KCTD2: variants seen among roughly 807,000 people sequenced by gnomAD.
The protein encoded by KCTD2 is potassium channel tetramerization domain containing 2, also known as BTB/POZ domain-containing protein KCTD2.
Under a neutral mutation model 27.9 loss-of-function variants are expected in KCTD2, and 18 were observed. The observed-to-expected ratio is 0.64, with a 90% confidence interval of 0.45 to 0.96. The LOEUF (loss-of-function observed/expected upper bound fraction) is 0.96, where lower values mean the gene tolerates loss of function less well. Ranked by LOEUF, KCTD2 falls within the 40% of genes least tolerant of loss-of-function variation. The pLI is 0.00. For synonymous variants in KCTD2, 175 were observed against 148.4 expected, an observed-to-expected ratio of 1.18 and a Z score of -1.30; for missense variants, 280 against 348.0, an observed-to-expected ratio of 0.80 and a Z score of 1.56.
At chr17:75,033,884 A>G (rs1382028027) in intron 1 of KCTD2, 2 of 152,330 alleles carry the variant, frequency 1.3e-5, no homozygotes, top group African/African-American at 4.8e-5. Context: ...AGGGGAAGGG[A>G]TGGCACGGCC....
upstream of KCTD2, chr17:75,042,287 A>G (rs1001616314): frequency 7.4e-6 from 12 of 1,613,204 alleles, no homozygotes; most frequent in African/African-American, 9.3e-5. Context: ...CCTGCCCACA[A>G]GGAAAGGCAA....
chr17:75,059,575 C>G lies in KCTD2; in HGVS notation c.606C>G (p.Ser202=). 1 of 1,614,096 alleles carries G rather than the reference C, an allele frequency of 6.2e-7. No individual in the cohort carries two copies. Among genetic ancestry groups the G allele is most frequent in the Non-Finnish European group, 8.5e-7 (1 of 1,179,994 alleles). The change falls in exon 4 of 6, where the codon TCC becomes TCG. Residue 202 remains serine, a synonymous_variant. Coordinates refer to ENST00000322444, the MANE Select transcript of KCTD2 (RefSeq NM_015353.3). ...CQEEELTQMV[S]TMSDGWKFEQ... is the part of the protein sequence containing the mutation. Reference sequence around the variant, plus strand: ...AAGAAGAGCTCACGCAGATGGTGTCCACGATGTCCGACGGCTGGAAATTCG... The same window carrying G: ...AAGAAGAGCTCACGCAGATGGTGTCGACGATGTCCGACGGCTGGAAATTCG...
Position 75,059,529 on chromosome 17 carries a change from ACAGAGTCCTGCAGTGT to A in KCTD2, c.564_579del (p.Val189LysfsTer45). On this transcript the variant is annotated frameshift_variant, in exon 4 of 6. Transcript: ENST00000322444. LOFTEE classifies it high-confidence loss of function. The stretch of plus-strand genomic sequence containing the variant: ...TTGCAGGGCCCCGTGAAGCACGTGT[ACAGAGTCCTGCAGTGT>A]CAGGAAGAAGAGCTCACGCAGATGG... 1 of 1,613,922 alleles carries A rather than the reference ACAGAGTCCTGCAGTGT, an allele frequency of 6.2e-7. No individual in the cohort carries two copies. Among genetic ancestry groups the A allele is most frequent in the Non-Finnish European group, 8.5e-7 (1 of 1,179,880 alleles).
rs1469759814 is a variant in KCTD2, at chr17:75,065,188, G to A, written c.*2141G>A. 6.6e-6 allele frequency: 1 copy of A among 152,114 alleles called. No individual in the cohort carries two copies. Among genetic ancestry groups the A allele is most frequent in the Non-Finnish European group, 1.5e-5 (1 of 68,056 alleles). 9.4% of individuals were successfully genotyped at this position (152,114 alleles called of 1,614,324 possible). ...GGCACGTGCTCTGGGAAATAGACAG[G>A]AGTGGTATTTCCGCCCTCTCGGAGG... is the stretch of plus-strand genomic sequence containing the variant. On this transcript the variant is annotated 3_prime_UTR_variant, in exon 6 of 6. Transcript: ENST00000322444.
upstream of KCTD2, chr17:75,042,778 C>A (rs2073173943): frequency 2.9e-6 from 3 of 1,030,622 alleles, no homozygotes; most frequent in South Asian, 4.9e-5. Context: ...TAGAAACATG[C>A]AAGTCTTCAC....
intron 1 of KCTD2, among the ~76,000 whole-genome samples, 187 bp downstream of exon 1, chr17:75,047,776 G>A (rs2073242084): frequency 6.6e-6 from 1 of 151,826 alleles, no homozygotes; most frequent in South Asian, 2.1e-4. Flanking sequence ...CTTCCATGCT[G>A]AGGCATACTC....
intron 2 of KCTD2, among the ~76,000 whole-genome samples, chr17:75,034,423 C>T (rs751014824): frequency 1.3e-5 from 2 of 152,184 alleles, no homozygotes; most frequent in African/African-American, 2.4e-5. Flanking sequence ...GAGCACAGCC[C>T]CTCTCGACAC....
intron 1 of KCTD2, among the ~76,000 whole-genome samples, 197 bp downstream of exon 1, chr17:75,047,786 C>T (rs2073242467): frequency 6.6e-6 from 1 of 152,106 alleles, no homozygotes; most frequent in Admixed American, 6.5e-5. Flanking sequence ...GAGGCATACT[C>T]TGGCTTTCTC....
intron 3 of KCTD2, among the ~76,000 whole-genome samples, chr17:75,058,579 C>G (rs1322860857): frequency 6.6e-6 from 1 of 151,398 alleles, no homozygotes; most frequent in Non-Finnish European, 1.5e-5. Context: ...GCAGGTGGAT[C>G]ATGAGGTCAG....
intron 4 of KCTD2, among the ~76,000 whole-genome samples, chr17:75,061,187 CAGGCGG>C (rs1567994769): frequency 6.6e-6 from 1 of 152,204 alleles, no homozygotes; most frequent in Admixed American, 6.5e-5. Flanking sequence ...TTGTTTCAGA[CAGGCGG>C]AGGCGCCCCC....
chr17:75,058,669 G>T (rs2073373530), intron 3 of KCTD2, among the ~76,000 whole-genome samples: 1 of 148,736 alleles, frequency 6.7e-6, no homozygotes, highest in South Asian at 2.1e-4. Context: ...CTTAGCGGCA[G>T]GCGCCTGTAA....
chr17:75,035,863 C>G (rs2040110406), intron 3 of KCTD2, among the ~76,000 whole-genome samples: 1 of 151,970 alleles, frequency 6.6e-6, no homozygotes, highest in African/African-American at 2.4e-5. Context: ...AAACAAAAAA[C>G]TCCAGTCCCT....
In KCTD2 at chr17:75,048,258, A is replaced by T. The variant is rs377338555; in HGVS notation, c.339+669A>T. 1.7e-3 allele frequency among the ~76,000 whole-genome samples: 262 copies of T among 152,320 alleles called. 1 individual carries two copies. Among genetic ancestry groups the T allele is most frequent in the African/African-American group, 5.9e-3 (244 of 41,570 alleles). ...CCCGGGAAAATTTTGGGCAGGATGC[A>T]TGGCTGCTAACCAAAGGGTTGAGAG... On this transcript the variant is annotated intron_variant, in intron 1 of 5. Transcript: ENST00000322444.
At position 75,064,895 on chromosome 17, in the gene KCTD2, C is replaced by T. The variant is rs2073441641; in HGVS notation, c.*1848C>T. ...CTCCTTGGCCAGGTCCAATGAGTAACATCAGACTGACAGAGGAAAAGCAGC... is the reference window on the plus strand; with the variant it reads ...CTCCTTGGCCAGGTCCAATGAGTAATATCAGACTGACAGAGGAAAAGCAGC... On this transcript the variant is annotated 3_prime_UTR_variant, in exon 6 of 6. Coordinates refer to ENST00000322444, the MANE Select transcript of KCTD2 (RefSeq NM_015353.3). 1 of 152,224 alleles carries T rather than the reference C, an allele frequency of 6.6e-6. No homozygotes were observed. The highest frequency in any genetic ancestry group is 1.5e-5 in the Non-Finnish European group (1 of 68,064). 9.4% of individuals were successfully genotyped at this position (152,224 alleles called of 1,614,324 possible).
At chr17:75,037,534 T>G (rs35928207) in intron 3 of KCTD2, among the ~76,000 whole-genome samples, 21,757 of 152,096 alleles carry the variant, frequency 0.14, 2,362 homozygotes, top group East Asian at 0.56. Flanking sequence ...GAAAATTAAA[T>G]TCTCAAGACA....
chr17:75,042,370 G>A (rs749723660), upstream of KCTD2: 70 of 1,501,924 alleles, frequency 4.7e-5, no homozygotes, highest in Non-Finnish European at 5.8e-5. Context: ...ATGGCCTGGA[G>A]GGTCACCACA....
chr17:75,050,890 C>T (rs2073277046), intron 2 of KCTD2, among the ~76,000 whole-genome samples: 1 of 151,294 alleles, frequency 6.6e-6, no homozygotes, highest in African/African-American at 2.4e-5. Flanking sequence ...CTTGCCCAGG[C>T]TGGTCTCAAA....
intron 3 of KCTD2, chr17:75,042,040 C>A: frequency 1.5e-6 from 1 of 671,822 alleles, no homozygotes; most frequent in Non-Finnish European, 2.5e-6. Context: ...TTCAATCGAC[C>A]ACAAGGCCTT....
In KCTD2 at chr17:75,062,188, C is replaced by T; in HGVS notation, c.705C>T (p.Ser235=). The change falls in exon 5 of 6, where the codon TCC becomes TCT. Residue 235 remains serine, a synonymous_variant. Coordinates refer to ENST00000322444, the MANE Select transcript of KCTD2 (RefSeq NM_015353.3). The part of the protein sequence containing the change: ...EDQAEFLCVV[S]RELNNSTNGI... ...AGGCAGAATTCCTCTGTGTTGTCTC[C>T]AGAGAACTAAATAATTCTACCAATG... The T allele has an allele frequency of 1.2e-6, 2 of 1,613,962 alleles. No individual in the cohort carries two copies. Among genetic ancestry groups the T allele is most frequent in the Non-Finnish European group, 1.7e-6 (2 of 1,179,916 alleles).
Sources: allele counts gnomAD v4.1 joint callset (sites outside exome capture counted in the v4.1 genomes callset), GRCh38; gene constraint gnomAD v4.1.1; transcripts MANE v1.5; gene names NCBI Gene and HGNC (gene_info 2026-07-23, HGNC 2026-07-21).